IFT140: variants seen among roughly 807,000 people sequenced by gnomAD.
The protein encoded by IFT140 is intraflagellar transport protein 140 homolog.
A neutral mutation model predicts 164.6 loss-of-function variants in IFT140; 133 were observed. The observed-to-expected ratio is 0.81, with a 90% CI of 0.70 to 0.93. The LOEUF (loss-of-function observed/expected upper bound fraction) is 0.93. Among genes scored for constraint, IFT140 ranks in the 40% least tolerant of loss-of-function variants. The probability of loss-of-function intolerance (pLI) is 0.00; values close to 1 mark genes in which losing one functional copy is unlikely to be tolerated. For missense variants in IFT140, 2,045 were observed against 1,972.3 expected (o/e 1.04, Z -0.70); for synonymous variants, 860 against 817.3 (o/e 1.05, Z -0.89).
chr16:1,515,117 T>G (rs2040300605), intron 30 of IFT140, among the ~76,000 whole-genome samples: 1 of 152,070 alleles, frequency 6.6e-6, no homozygotes, highest in African/African-American at 2.4e-5. Context: ...AGACCTAACA[T>G]TTAATTGGAG....
chr16:1,538,659 T>C (rs977763372), intron 19 of IFT140, among the ~76,000 whole-genome samples: 1 of 152,242 alleles, frequency 6.6e-6, no homozygotes, highest in African/African-American at 2.4e-5. Context: ...CAGAGGCTTC[T>C]GAATGGAAGT....
chr16:1,561,379 G>T (rs1457134628), intron 18 of IFT140, among the ~76,000 whole-genome samples: 2 of 152,202 alleles, frequency 1.3e-5, no homozygotes, highest in African/African-American at 4.8e-5. Context: ...GAACCTACTG[G>T]GGTGTGTGTA....
chr16:1,579,265 C>T (rs2034432945), intron 13 of IFT140: 1 of 151,992 alleles, frequency 6.6e-6, no homozygotes, highest in Admixed American at 6.6e-5. Flanking sequence ...ATCATCTTCA[C>T]ACTGAACAGG....
chr16:1,605,429 G>A (rs1484379690), intron 3 of IFT140, among the ~76,000 whole-genome samples: 2 of 152,034 alleles, frequency 1.3e-5, no homozygotes, highest in African/African-American at 4.8e-5. Flanking sequence ...TTTTTGAGAT[G>A]GAGTCTCACT....
intron 19 of IFT140, among the ~76,000 whole-genome samples, chr16:1,529,756 G>A (rs972064641): frequency 6.6e-6 from 1 of 152,194 alleles, no homozygotes; most frequent in African/African-American, 2.4e-5. Flanking sequence ...GGACCCATGC[G>A]TGTAAAACTA....
Position 1,510,949 on chromosome 16 carries a change from GGTC to G in IFT140, c.4381_4383del (p.Asp1461del), listed in dbSNP as rs767835848. The G allele has an allele frequency of 8.1e-6, 13 of 1,610,958 alleles. No individual in the cohort carries two copies. The highest frequency in any genetic ancestry group is 1.1e-5 in the South Asian group (1 of 90,448). ...GGTCCTGGGGCCCAGGCCCCTCAGGGGTCGTCATCTGCCTCTTCCACCACCTCC... is the reference window on the plus strand; with the variant it reads ...GGTCCTGGGGCCCAGGCCCCTCAGGGGTCATCTGCCTCTTCCACCACCTCC... On this transcript the variant is annotated inframe_deletion, in exon 31 of 31. Transcript: ENST00000426508.
At chr16:1,517,932 G>A (rs527375407) in intron 30 of IFT140, among the ~76,000 whole-genome samples, 39 of 152,168 alleles carry the variant, frequency 2.6e-4, no homozygotes, top group African/African-American at 7.9e-4. Flanking sequence ...CAACCTCCTG[G>A]GCTCAAGGGA....
At chr16:1,565,475 G>A (rs1053739152) in intron 16 of IFT140, among the ~76,000 whole-genome samples, 1 of 152,114 alleles carries the variant, frequency 6.6e-6, no homozygotes, top group Admixed American at 6.5e-5. Flanking sequence ...TGGACAGAAG[G>A]GGTGTGTCTG....
intron 12 of IFT140, among the ~76,000 whole-genome samples, chr16:1,581,953 A>G (rs1567399304): frequency 6.6e-6 from 1 of 152,006 alleles, no homozygotes; most frequent in Non-Finnish European, 1.5e-5. Flanking sequence ...GAGAGGCGGA[A>G]ACTAGTGATG....
intron 30 of IFT140, among the ~76,000 whole-genome samples, chr16:1,512,321 G>A (rs1467592456): frequency 6.6e-6 from 1 of 152,054 alleles, no homozygotes; most frequent in East Asian, 1.9e-4. Context: ...TGCGGGCTGT[G>A]CTCAGATGAT....
At chr16:1,560,718 C>T (rs73497595) in intron 18 of IFT140, among the ~76,000 whole-genome samples, 1 of 152,202 alleles carries the variant, frequency 6.6e-6, no homozygotes, top group East Asian at 1.9e-4. Flanking sequence ...CCTCGACCCA[C>T]CTTGGGTTAT....
At chr16:1,540,353 C>T (rs994404166) in intron 19 of IFT140, among the ~76,000 whole-genome samples, 3 of 152,230 alleles carry the variant, frequency 2.0e-5, no homozygotes, top group Non-Finnish European at 4.4e-5. Context: ...ACCACGTAAA[C>T]ACTCACGAAG....
In IFT140 at chr16:1,553,175, GCT is replaced by G. The variant is rs767245825; in HGVS notation, c.2399+4758_2399+4759del. On this transcript the variant is annotated intron_variant, in intron 19 of 30. Coordinates refer to ENST00000426508, the MANE Select transcript of IFT140 (RefSeq NM_014714.4). This position sits in a 1 kb window ranked among gnomAD's most constrained non-coding sequence, Gnocchi z 4.4. ...AAACAAGGCTGGTTACCCATCTCTT[GCT>G]CTCTGTCTCTCCTTCCCTGTGTCTC... The G allele has an allele frequency of 9.1e-6, 9 of 985,048 alleles. No homozygotes were observed. Among genetic ancestry groups the G allele is most frequent in the Non-Finnish European group, 1.1e-5 (9 of 829,790 alleles). The allele number at this position is 985,048 out of a possible 1,614,324, so 61.0% of individuals were successfully genotyped here.
At chr16:1,528,023 C>T (rs941161331) in intron 19 of IFT140, among the ~76,000 whole-genome samples, 37 of 152,306 alleles carry the variant, frequency 2.4e-4, no homozygotes, top group African/African-American at 8.4e-4. Flanking sequence ...GCATGAGAAC[C>T]GTGTGTCCGC....
In IFT140 at chr16:1,511,090, C is replaced by T. The variant is rs374429057; in HGVS notation, c.4243G>A (p.Val1415Met). 4 of 1,610,492 alleles carry T rather than the reference C, an allele frequency of 2.5e-6. No individual in the cohort carries two copies. Among genetic ancestry groups the T allele is most frequent in the South Asian group, 2.2e-5 (2 of 90,512 alleles). The change falls in exon 31 of 31, where the codon GTG becomes ATG. Residue 1415 changes from valine (V) to methionine (M), a missense_variant. Coordinates refer to ENST00000426508, the MANE Select transcript of IFT140 (RefSeq NM_014714.4). ...ACGGCGTCCACGGCCTGCGGGCTCA[C>T]GTAGTAGGACATGTTGGCCAAGGGA... The part of the protein sequence containing the change: ...RLPLANMSYY[V>M]SPQAVDAVHR...
chr16:1,603,315 CCAGGACCCTTT>C (rs1206925967), intron 3 of IFT140, among the ~76,000 whole-genome samples: 2 of 152,026 alleles, frequency 1.3e-5, no homozygotes, highest in Non-Finnish European at 2.9e-5. Flanking sequence ...TCCAGAGACC[CCAGGACCCTTT>C]CAGGGATCTG....
At chr16:1,558,217 T>C in intron 18 of IFT140, 83 bp from the exon 19 acceptor site, 1 of 1,356,074 alleles carries the variant, frequency 7.4e-7, no homozygotes, top group Non-Finnish European at 1.0e-6. Context: ...TGGATTTAGC[T>C]CCCTTATGGG....
At chr16:1,520,410 A>T in intron 27 of IFT140, 67 bp from the exon 28 acceptor site, 2 of 1,536,312 alleles carry the variant, frequency 1.3e-6, no homozygotes, top group Non-Finnish European at 9.0e-7. Context: ...AGGGACCCCG[A>T]GCAGGAGCTC....
At chr16:1,586,505 G>A (rs1215994962) in intron 9 of IFT140, among the ~76,000 whole-genome samples, 1 of 152,098 alleles carries the variant, frequency 6.6e-6, no homozygotes, top group Non-Finnish European at 1.5e-5. Flanking sequence ...CTAGAGGCCA[G>A]TTGGCCTGGC....
Sources: allele counts gnomAD v4.1 joint callset (sites outside exome capture counted in the v4.1 genomes callset), GRCh38; gene constraint gnomAD v4.1.1; non-coding constraint Gnocchi (gnomAD v3.1); transcripts MANE v1.5; gene names NCBI Gene and HGNC (gene_info 2026-07-23, HGNC 2026-07-21).